Variants in MAP7D3 observed in about 807,000 individuals in gnomAD.
The protein encoded by MAP7D3 is MAP7 domain-containing protein 3.
MAP7D3 carries 45 observed loss-of-function variants against 62.2 expected under a neutral mutation model. The observed-to-expected ratio is 0.72, with a 90% CI of 0.57 to 0.93. The LOEUF (loss-of-function observed/expected upper bound fraction) is 0.93. Among genes scored for constraint, MAP7D3 ranks in the 40% least tolerant of loss-of-function variants. MAP7D3 has a pLI of 0.00. For synonymous variants in MAP7D3, 288 were observed against 248.8 expected (o/e 1.16, Z -1.48); for missense variants, 711 against 683.1 (o/e 1.04, Z -0.45).
At chrX:136,240,334 GATTTC>G (rs2074374941) in intron 6 of MAP7D3, 43 bp downstream of exon 6, 2 of 783,829 alleles carry the variant, frequency 2.6e-6, no homozygotes, top group Non-Finnish European at 3.9e-6. Context: ...ATAAAGAACT[GATTTC>G]ATTTAATAGA....
At chrX:136,252,531 G>C (rs976593478), upstream of MAP7D3, among the ~76,000 whole-genome samples, 5 of 105,255 alleles carry the variant, frequency 4.8e-5, no homozygotes, top group East Asian at 8.9e-4. Flanking sequence ...ACAAAAATTA[G>C]CCGGGCATGG....
chrX:136,247,276 C>G (rs1448991198), intron 1 of MAP7D3, among the ~76,000 whole-genome samples: 1 of 111,982 alleles, frequency 8.9e-6, no homozygotes, highest in Non-Finnish European at 1.9e-5. Context: ...CCACACATGG[C>G]TATATCTAAA....
chrX:136,229,963 GTATATA>G lies in MAP7D3; in HGVS notation c.1750+416_1750+421del, dbSNP rs1314350673. 9.7e-3 allele frequency among the ~76,000 whole-genome samples: 347 copies of G among 35,798 alleles called. 2 individuals carry two copies. Among genetic ancestry groups the G allele is most frequent in the Middle Eastern group, 0.061 (3 of 49 alleles). The allele number at this position is 35,798 out of a possible 115,157, so 31.1% of individuals were successfully genotyped here. ...CGGGCTAATTTTTTTTTTTGTGTGT[GTATATA>G]TATATATATATATATATATATATAT... On this transcript the variant is annotated intron_variant, in intron 10 of 18. Coordinates refer to ENST00000316077, the MANE Select transcript of MAP7D3 (RefSeq NM_024597.4).
chrX:136,242,218 A>T (rs929501539), intron 4 of MAP7D3, among the ~76,000 whole-genome samples: 2 of 112,707 alleles, frequency 1.8e-5, no homozygotes, highest in Admixed American at 9.4e-5. Context: ...TCTAACAGAA[A>T]GGCAGTTGTT....
intron 10 of MAP7D3, among the ~76,000 whole-genome samples, chrX:136,229,234 C>G (rs919616438): frequency 9.0e-6 from 1 of 111,289 alleles, no homozygotes. Flanking sequence ...TTTGGTTGAT[C>G]ATAGAGTAGC....
chrX:136,220,582 T>C (rs775542308), intron 16 of MAP7D3, among the ~76,000 whole-genome samples, 183 bp downstream of exon 16: 1 of 112,412 alleles, frequency 8.9e-6, no homozygotes, highest in Non-Finnish European at 1.9e-5. Flanking sequence ...TCTTTATACA[T>C]GGGGATGATG....
At chrX:136,237,374 TACTTG>T (rs1352363830) in intron 6 of MAP7D3, among the ~76,000 whole-genome samples, 2 of 112,197 alleles carry the variant, frequency 1.8e-5, no homozygotes, top group African/African-American at 6.5e-5. Context: ...AAAAATAGAC[TACTTG>T]AATCAACCCA....
chrX:136,215,246 A>G (rs893876208), downstream of MAP7D3, among the ~76,000 whole-genome samples: 1 of 111,984 alleles, frequency 8.9e-6, no homozygotes, highest in African/African-American at 3.2e-5. Flanking sequence ...GAACTGGGTC[A>G]CAGAGCAGGA....
chrX:136,238,924 T>C (rs770110179), intron 6 of MAP7D3, among the ~76,000 whole-genome samples: 1 of 112,318 alleles, frequency 8.9e-6, no homozygotes, highest in Admixed American at 9.5e-5. Flanking sequence ...TGGAATTGTA[T>C]AGCAATCAGC....
chrX:136,240,630 CT>C (rs952610740), intron 5 of MAP7D3, 144 bp from the exon 6 acceptor site: 420 of 411,869 alleles, frequency 1.0e-3, no homozygotes, highest in Middle Eastern at 1.3e-3. Context: ...CCCGTCAATC[CT>C]TTTTTTTTAG....
upstream of MAP7D3, among the ~76,000 whole-genome samples, chrX:136,255,140 T>G (rs1469558070): frequency 8.9e-6 from 1 of 112,169 alleles, no homozygotes. Context: ...CACTTGAACC[T>G]GGGAGGCCGA....
chrX:136,251,542 C>T (rs928311349), upstream of MAP7D3: 19 of 835,885 alleles, frequency 2.3e-5, no homozygotes, highest in African/African-American at 4.4e-5. Flanking sequence ...CCCCTTGCGT[C>T]CCACGTCCTG....
chrX:136,255,300 T>TA (rs1001944675), upstream of MAP7D3, among the ~76,000 whole-genome samples: 6 of 112,784 alleles, frequency 5.3e-5, no homozygotes, highest in Non-Finnish European at 9.4e-5. Flanking sequence ...TTGCCTCATT[T>TA]AAAAAATCTT....
upstream of MAP7D3, among the ~76,000 whole-genome samples, chrX:136,252,961 C>T (rs1156314468): frequency 2.8e-5 from 3 of 105,945 alleles, no homozygotes; most frequent in Non-Finnish European, 3.9e-5. Flanking sequence ...AGCTGGGCGT[C>T]GTGGCGGGCC....
intron 10 of MAP7D3, among the ~76,000 whole-genome samples, chrX:136,229,963 GTA>G (rs1314350673): frequency 0.023 from 841 of 35,862 alleles, 17 homozygotes; most frequent in African/African-American, 0.03. Flanking sequence ...TTTTGTGTGT[GTA>G]TATATATATA....
intron 6 of MAP7D3, among the ~76,000 whole-genome samples, chrX:136,238,213 T>C (rs1011644093): frequency 4.5e-5 from 5 of 111,915 alleles, no homozygotes; most frequent in Non-Finnish European, 9.4e-5. Context: ...TATAGCAGCA[T>C]GATTTATAAT....
At chrX:136,255,934 GT>G, upstream of MAP7D3, 1 of 312,733 alleles carries the variant, frequency 3.2e-6, no homozygotes, top group Non-Finnish European at 4.2e-6. Context: ...AAAAGATGAA[GT>G]TTTTTAAAAA....
Position 136,244,748 on chromosome X carries a change from G to T in MAP7D3, c.301C>A (p.Gln101Lys). The T allele has an allele frequency of 8.3e-7, 1 of 1,199,644 alleles. No individual in the cohort carries two copies. The highest frequency in any genetic ancestry group is 1.1e-6 in the Non-Finnish European group (1 of 887,731). ...CTTTCCTCCATCTGTTTTTCATATTGGAGCTTGGTCTTTCTTTCTTTTTCA... is the reference window on the plus strand; with the variant it reads ...CTTTCCTCCATCTGTTTTTCATATTTGAGCTTGGTCTTTCTTTCTTTTTCA... ...LLEKERKTKL[Q>K]YEKQMEERQR... Residue 101 changes from glutamine (Q) to lysine (K), a missense_variant, in exon 4 of 19, where the codon CAA becomes AAA. Physicochemically the swap from Gln to Lys is moderately conservative, Grantham distance 53. Coordinates refer to ENST00000316077, the MANE Select transcript of MAP7D3 (RefSeq NM_024597.4).
intron 16 of MAP7D3, among the ~76,000 whole-genome samples, chrX:136,220,482 T>A (rs1458866327): frequency 8.9e-6 from 1 of 112,354 alleles, no homozygotes; most frequent in Non-Finnish European, 1.9e-5. Flanking sequence ...TGGAGCCAGA[T>A]GTATCTGGAA....
Sources: gnomAD v4.1 joint callset for allele counts (sites outside exome capture counted in the v4.1 genomes callset) on GRCh38, gnomAD v4.1.1 for gene constraint, MANE v1.5 for transcripts, NCBI Gene and HGNC (gene_info 2026-07-23, HGNC 2026-07-21) for gene names.